Variants in RNF214 observed in about 807,000 individuals in gnomAD.
The protein encoded by RNF214 is ring finger protein 214.
A neutral mutation model predicts 75.9 loss-of-function variants in RNF214; 25 were observed. The ratio of observed to expected loss-of-function variants is 0.33; its 90% CI spans 0.24 to 0.46. The LOEUF (loss-of-function observed/expected upper bound fraction) is 0.46. Ranked by LOEUF, RNF214 falls within the 20% of genes least tolerant of loss-of-function variation. The pLI, the probability that RNF214 is intolerant of heterozygous loss-of-function variation, is 1.00. For missense variants in RNF214, 725 were observed against 857.5 expected, an observed-to-expected ratio of 0.85 and a Z score of 1.93; for synonymous variants, 314 against 308.8, an observed-to-expected ratio of 1.02 and a Z score of -0.18.
chr11:117,284,115 A>T lies in RNF214; in HGVS notation c.2046+905A>T, dbSNP rs117855577. Among the ~76,000 whole-genome samples, 858 of 152,358 alleles carry T rather than the reference A, an allele frequency of 5.6e-3. 9 individuals carry two copies. Among genetic ancestry groups the T allele is most frequent in the Non-Finnish European group, 8.9e-3 (607 of 68,034 alleles). ...ACTAAATAACTTTCTTGGAAAATTGACAATGAGTGATAATCCCACATATCT... is the reference window on the plus strand; with the variant it reads ...ACTAAATAACTTTCTTGGAAAATTGTCAATGAGTGATAATCCCACATATCT... On this transcript the variant is annotated intron_variant, in intron 14 of 14. Coordinates refer to ENST00000300650, the MANE Select transcript of RNF214 (RefSeq NM_207343.4).
In RNF214 at chr11:117,274,639, G is replaced by T. The variant is rs191541863; in HGVS notation, c.960-5269G>T. 5.6e-3 allele frequency among the ~76,000 whole-genome samples: 834 copies of T among 148,114 alleles called. 9 individuals carry two copies. Among genetic ancestry groups the T allele is most frequent in the Non-Finnish European group, 8.9e-3 (599 of 67,578 alleles). ...CCACCTTGGCCTCCCAAAGTTCTGG[G>T]ATTACAGGCGTGAGCGACCGTGCCC... On this transcript the variant is annotated intron_variant, in intron 6 of 14. Coordinates refer to ENST00000300650, the MANE Select transcript of RNF214 (RefSeq NM_207343.4).
intron 6 of RNF214, among the ~76,000 whole-genome samples, chr11:117,279,641 C>T (rs1012062008): frequency 6.6e-6 from 1 of 152,120 alleles, no homozygotes; most frequent in Non-Finnish European, 1.5e-5. Flanking sequence ...CCGGTCACAA[C>T]GTTTTTACTT....
At position 117,276,386 on chromosome 11, in the gene RNF214, G is replaced by A. The variant is rs533277472; in HGVS notation, c.960-3522G>A. On this transcript the variant is annotated intron_variant, in intron 6 of 14. Transcript: ENST00000300650. ...GAGCTTTGGGAGGCCAGTTCAGGAA[G>A]ATCACTTGAGTCCAGGAGTTCCAGA... Among the ~76,000 whole-genome samples, 137 of 152,314 alleles carry A rather than the reference G, an allele frequency of 9.0e-4. 1 individual carries two copies. The highest frequency in any genetic ancestry group is 3.4e-3 in the Middle Eastern group (1 of 294).
chr11:117,276,086 A>C (rs969740346), intron 6 of RNF214, among the ~76,000 whole-genome samples: 5 of 152,220 alleles, frequency 3.3e-5, no homozygotes, highest in Non-Finnish European at 7.3e-5. Context: ...GGCTCAGCAT[A>C]CACAAGTCAA....
At chr11:117,261,854 C>A (rs183317365) in intron 6 of RNF214, among the ~76,000 whole-genome samples, 12 of 151,858 alleles carry the variant, frequency 7.9e-5, no homozygotes, top group African/African-American at 2.9e-4. Flanking sequence ...CCATGTTGGC[C>A]AGGCTGGTCT....
Position 117,246,850 on chromosome 11 carries a change from A to G in RNF214, c.861A>G (p.Glu287=). The G allele has an allele frequency of 6.2e-7, 1 of 1,612,930 alleles. No homozygotes were observed. The highest frequency in any genetic ancestry group is 8.5e-7 in the Non-Finnish European group (1 of 1,179,402). Residue 287 remains glutamate (E), a synonymous_variant, in exon 6 of 15, where the codon GAA becomes GAG. Transcript: ENST00000300650. ...TTCAGGATGTGACAATAAAGCGGGA[A>G]GAAACAAAGAAGAAGATAGAGAAAG... The part of the protein sequence containing the change: ...KAIQDVTIKR[E]ETKKKIEKEK...
At position 117,246,812 on chromosome 11, in the gene RNF214, A is replaced by G. The variant is rs200215421; in HGVS notation, c.823A>G (p.Ile275Val). The part of the protein sequence containing the change: ...REEEMKNHQE[I>V]LKAIQDVTIK... ...ACTGTAATTGTGTGGAACTCAGGAG[A>G]TATTAAAGGCTATTCAGGATGTGAC... is the stretch of plus-strand genomic sequence containing the variant. The change falls in exon 6 of 15, where the codon ATA (isoleucine) becomes GTA (valine). Residue 275 changes from isoleucine to valine, a missense_variant. Around this residue, in one of 2 missense-constraint regions of RNF214, gnomAD observed 362 missense variants for 344.5 expected, o/e 1.05. Transcript: ENST00000300650. 1.3e-6 allele frequency: 2 copies of G among 1,584,338 alleles called. No homozygotes were observed. The highest frequency in any genetic ancestry group is 1.7e-6 in the Non-Finnish European group (2 of 1,165,418).
In RNF214 at chr11:117,281,318, A is replaced by C. The variant is rs778417285; in HGVS notation, c.1150A>C (p.Thr384Pro). 6.2e-7 allele frequency: 1 copy of C among 1,611,466 alleles called. No individual in the cohort carries two copies. The highest frequency in any genetic ancestry group is 1.7e-5 in the Admixed American group (1 of 59,912). The change falls in exon 9 of 15, where the codon ACT (threonine) becomes CCT (proline). Residue 384 changes from threonine to proline, a missense_variant. By Grantham distance (38) the Thr-to-Pro change is conservative. Transcript: ENST00000300650. ...TTCCTGTTGGTTTCTTGAAAGGTCA[A>C]CTCCCCCAACACTGGAGACAGTTCG... ...AELHLTYLKS[T>P]PPTLETVRSK...
chr11:117,242,427 C>A (rs1003333235), intron 4 of RNF214, among the ~76,000 whole-genome samples: 2 of 152,096 alleles, frequency 1.3e-5, no homozygotes, highest in African/African-American at 4.8e-5. Flanking sequence ...CAACTTGGGA[C>A]TTAATTGTAA....
chr11:117,236,276 T>G (rs1037061862), intron 2 of RNF214, among the ~76,000 whole-genome samples: 6 of 145,854 alleles, frequency 4.1e-5, no homozygotes, highest in Non-Finnish European at 7.6e-5. Flanking sequence ...AATTTTTTTG[T>G]TTTTTTTTTG....
intron 14 of RNF214, among the ~76,000 whole-genome samples, chr11:117,284,576 CT>C (rs1486768106): frequency 6.6e-6 from 1 of 152,048 alleles, no homozygotes; most frequent in Non-Finnish European, 1.5e-5. Context: ...GTTAATGTTC[CT>C]CATAAAAAGG....
In RNF214 at chr11:117,238,846, A is replaced by G; in HGVS notation, c.353A>G (p.Glu118Gly). The change falls in exon 3 of 15, where the codon GAG becomes GGG. Residue 118 changes from glutamate (E) to glycine (G), a missense_variant. Glu to Gly is a moderately conservative substitution (Grantham distance 98). This residue lies in a region of RNF214 where 362 missense variants were observed against 344.5 expected (regional missense o/e 1.05). Transcript: ENST00000300650. The stretch of plus-strand genomic sequence containing the variant: ...AAGGATGTGGCCAGCACAGCAGGAG[A>G]GGAGGGGGACACAAGCCTTCGGGAG... ...DLKDVASTAGEEGDTSLRESL... is the reference protein window; with the variant it reads ...DLKDVASTAGGEGDTSLRESL... 1.2e-6 allele frequency: 2 copies of G among 1,614,068 alleles called. No individual in the cohort carries two copies. Among genetic ancestry groups the G allele is most frequent in the Non-Finnish European group, 1.7e-6 (2 of 1,180,018 alleles).
chr11:117,239,722 C>T lies in RNF214; in HGVS notation c.619-79C>T, dbSNP rs563003790. ...AGAGTAAAAAGTTAGTTACCTGTGG[C>T]GGAATTCTAGGTGTTAGTGATTCTG... On this transcript the variant is annotated intron_variant, in intron 3 of 14. Coordinates refer to ENST00000300650, the MANE Select transcript of RNF214 (RefSeq NM_207343.4). 5.0e-5 allele frequency: 39 copies of T among 785,620 alleles called. No individual in the cohort carries two copies. The East Asian group carries it at 5.6e-4, about 11-fold the overall frequency. 48.7% of individuals were successfully genotyped at this position (785,620 alleles called of 1,614,324 possible).
chr11:117,279,891 G>T lies in RNF214; in HGVS notation c.960-17G>T. 1 of 1,576,494 alleles carries T rather than the reference G, an allele frequency of 6.3e-7. No homozygotes were observed. The highest frequency in any genetic ancestry group is 1.2e-5 in the South Asian group (1 of 86,490). On this transcript the variant is annotated splice_polypyrimidine_tract_variant and intron_variant, in intron 6 of 14. Transcript: ENST00000300650. Reference sequence around the variant, plus strand: ...ATCTTTCTTCCTTAGTCTTGTTCTTGGTTTCTTATCTTACAGAGAGGTGTG... The same window carrying T: ...ATCTTTCTTCCTTAGTCTTGTTCTTTGTTTCTTATCTTACAGAGAGGTGTG...
At chr11:117,284,003 T>G (rs2034188351) in intron 14 of RNF214, among the ~76,000 whole-genome samples, 1 of 152,202 alleles carries the variant, frequency 6.6e-6, no homozygotes. Context: ...GCTTAAACAT[T>G]AGCAGAATTC....
intron 6 of RNF214, among the ~76,000 whole-genome samples, chr11:117,258,423 T>C (rs1377609599): frequency 6.8e-6 from 1 of 146,164 alleles, no homozygotes; most frequent in African/African-American, 2.5e-5. Context: ...TTTTTCTTTC[T>C]TTTTTTTTAT....
At chr11:117,274,591 A>G (rs1482402524) in intron 6 of RNF214, among the ~76,000 whole-genome samples, 4 of 150,122 alleles carry the variant, frequency 2.7e-5, no homozygotes, top group African/African-American at 4.9e-5. Flanking sequence ...CTAGTCTCGA[A>G]CTCCTGACCT....
intron 4 of RNF214, 83 bp downstream of exon 4, chr11:117,239,943 G>A: frequency 2.7e-6 from 2 of 739,226 alleles, no homozygotes; most frequent in Non-Finnish European, 4.7e-6. Context: ...TGGAAAAGGT[G>A]CAGGAGTCCC....
chr11:117,244,630 T>G lies in RNF214; in HGVS notation c.819+45T>G, dbSNP rs765967312. ...ATTGTCAATGAGTTAAGCAACAGTC[T>G]CTGATCAAACTTTAATTTTTTAAAA... is the stretch of plus-strand genomic sequence containing the variant. On this transcript the variant is annotated intron_variant, in intron 5 of 14. Transcript: ENST00000300650. 5 of 1,458,044 alleles carry G rather than the reference T, an allele frequency of 3.4e-6. No homozygotes were observed. In the East Asian group the frequency reaches 1.2e-4, roughly 35 times the overall value. The allele number at this position is 1,458,044 out of a possible 1,614,324, so 90.3% of individuals were successfully genotyped here. A position where few individuals can be genotyped will look rare whatever the true frequency, so the allele number is the denominator to read the frequency against.
Sources: gnomAD v4.1 joint callset for allele counts (sites outside exome capture counted in the v4.1 genomes callset) on GRCh38, gnomAD v4.1.1 for gene constraint, gnomAD v4.1.1 regional missense constraint, MANE v1.5 for transcripts, NCBI Gene and HGNC (gene_info 2026-07-23, HGNC 2026-07-21) for gene names.